Variants in LRRIQ1 observed in about 807,000 individuals in gnomAD.
The protein encoded by LRRIQ1 is leucine-rich repeat- and IQ domain-containing protein 1.
LRRIQ1 carries 210 observed loss-of-function variants against 211.9 expected under a neutral mutation model. The observed-to-expected ratio is 0.99, with a 90% CI of 0.89 to 1.11. The LOEUF is 1.11. Among genes scored for constraint, LRRIQ1 ranks in the 50% most tolerant of loss-of-function variants. LRRIQ1 has a pLI of 0.00. For synonymous variants in LRRIQ1, 699 were observed against 650.1 expected, an observed-to-expected ratio of 1.08 and a Z score of -1.14; for missense variants, 2,136 against 1,939.5, an observed-to-expected ratio of 1.10 and a Z score of -1.90.
intron 3 of LRRIQ1, among the ~76,000 whole-genome samples, chr12:85,042,824 A>T (rs1201205057): frequency 6.6e-6 from 1 of 152,056 alleles, no homozygotes; most frequent in Non-Finnish European, 1.5e-5. Context: ...CAACCTATTA[A>T]GGAGCAAAAA....
chr12:85,057,213 C>T (rs768762526), intron 8 of LRRIQ1, 29 bp downstream of exon 8: 5 of 1,315,788 alleles, frequency 3.8e-6, no homozygotes, highest in Non-Finnish European at 4.1e-6. Flanking sequence ...TAATTTTTCA[C>T]ATTTAATTAC....
chr12:85,121,620 G>T (rs1887991008), intron 15 of LRRIQ1, 77 bp from the exon 16 acceptor site: 14 of 1,004,070 alleles, frequency 1.4e-5, no homozygotes, highest in Non-Finnish European at 1.9e-5. Flanking sequence ...TTATTTAAAT[G>T]ATTAGTATAT....
chr12:85,132,949 G>C (rs1309028083), intron 18 of LRRIQ1, among the ~76,000 whole-genome samples: 1 of 151,364 alleles, frequency 6.6e-6, no homozygotes, highest in Non-Finnish European at 1.5e-5. Context: ...GCTCCATAAT[G>C]GGTAAGTTAA....
chr12:85,225,205 A>G (rs1184377921), intron 24 of LRRIQ1, among the ~76,000 whole-genome samples: 1 of 152,154 alleles, frequency 6.6e-6, no homozygotes, highest in African/African-American at 2.4e-5. Context: ...TGAGTAATCT[A>G]TAAATGATTT....
intron 15 of LRRIQ1, among the ~76,000 whole-genome samples, chr12:85,117,965 T>C (rs1887698980): frequency 6.6e-6 from 1 of 152,196 alleles, no homozygotes; most frequent in Non-Finnish European, 1.5e-5. Flanking sequence ...AGGTGGGTTA[T>C]GGACAGCTGA....
intron 13 of LRRIQ1, among the ~76,000 whole-genome samples, chr12:85,101,328 A>G (rs368923036): frequency 6.6e-6 from 1 of 151,786 alleles, no homozygotes; most frequent in Non-Finnish European, 1.5e-5. Context: ...TTTCAGTAAG[A>G]CATGTGACTG....
At chr12:85,118,977 G>A (rs1887782975) in intron 15 of LRRIQ1, among the ~76,000 whole-genome samples, 1 of 152,038 alleles carries the variant, frequency 6.6e-6, no homozygotes, top group African/African-American at 2.4e-5. Flanking sequence ...TTCTGCACCA[G>A]AGAGGTATAT....
intron 24 of LRRIQ1, among the ~76,000 whole-genome samples, chr12:85,217,778 C>A (rs1372741800): frequency 2.4e-5 from 3 of 123,066 alleles, no homozygotes; most frequent in Non-Finnish European, 4.6e-5. Flanking sequence ...GTGTGTCTCT[C>A]TCTATATATA....
chr12:85,171,831 C>T (rs551178038), intron 24 of LRRIQ1, among the ~76,000 whole-genome samples: 1 of 152,126 alleles, frequency 6.6e-6, no homozygotes, highest in Non-Finnish European at 1.5e-5. Context: ...GGAGAGAAGC[C>T]TCTGAAGAAA....
downstream of LRRIQ1, among the ~76,000 whole-genome samples, chr12:85,265,808 A>G (rs899167602): frequency 2.6e-5 from 4 of 152,078 alleles, no homozygotes; most frequent in African/African-American, 9.7e-5. Context: ...AAAAAATTCA[A>G]ATTTTATATA....
chr12:85,095,414 A>T lies in LRRIQ1; in HGVS notation c.2888-2941A>T, dbSNP rs1159202851. Reference sequence around the variant, plus strand: ...TAATTCTGCTTATGTGGTGAATTACATTTATTGATTTGCATGTATTAAAAC... The same window carrying T: ...TAATTCTGCTTATGTGGTGAATTACTTTTATTGATTTGCATGTATTAAAAC... On this transcript the variant is annotated intron_variant, in intron 11 of 26. Transcript: ENST00000393217. Among the ~76,000 whole-genome samples, 4 of 152,268 alleles carry T rather than the reference A, an allele frequency of 2.6e-5. No individual in the cohort carries two copies. In the East Asian group the frequency reaches 7.7e-4, roughly 29 times the overall value.
At chr12:85,140,251 T>C (rs961650193) in intron 19 of LRRIQ1, among the ~76,000 whole-genome samples, 1 of 151,334 alleles carries the variant, frequency 6.6e-6, no homozygotes, top group African/African-American at 2.4e-5. Flanking sequence ...TCATAATGAC[T>C]TGTATTAATA....
chr12:85,204,904 G>T (rs866048891), intron 24 of LRRIQ1, among the ~76,000 whole-genome samples: 113 of 152,086 alleles, frequency 7.4e-4, no homozygotes, highest in African/African-American at 2.6e-3. Flanking sequence ...GAAATTTGAG[G>T]ACTTGATATT....
intron 26 of LRRIQ1, among the ~76,000 whole-genome samples, chr12:85,235,747 A>T (rs1443274423): frequency 6.6e-6 from 1 of 152,176 alleles, no homozygotes; most frequent in African/African-American, 2.4e-5. Context: ...TTAGTCTAGA[A>T]AATGTGTCAG....
chr12:85,169,637 T>C (rs1003231138), intron 24 of LRRIQ1, among the ~76,000 whole-genome samples: 12 of 152,322 alleles, frequency 7.9e-5, no homozygotes, highest in African/African-American at 2.9e-4. Flanking sequence ...TATTGTTTAG[T>C]TTCACATTTA....
At chr12:85,230,028 T>C (rs749412230) in intron 25 of LRRIQ1, among the ~76,000 whole-genome samples, 18 of 152,222 alleles carry the variant, frequency 1.2e-4, no homozygotes, top group Non-Finnish European at 2.4e-4. Flanking sequence ...TTCAACCCTG[T>C]GGCTGTCACT....
Position 85,220,864 on chromosome 12 carries a change from G to A in LRRIQ1, c.4823-8653G>A, listed in dbSNP as rs1016218730. Among the ~76,000 whole-genome samples, 4 of 144,902 alleles carry A rather than the reference G, an allele frequency of 2.8e-5. No individual in the cohort carries two copies. The Admixed American group carries it at 3.0e-4, about 11-fold the overall frequency. Reference sequence around the variant, plus strand: ...GCTCTGTCGCCCAGGTTGGACGGCAGTGGCGTGATCCTGGCTCATTGCAAA... The same window carrying A: ...GCTCTGTCGCCCAGGTTGGACGGCAATGGCGTGATCCTGGCTCATTGCAAA... On this transcript the variant is annotated intron_variant, in intron 24 of 26. Transcript: ENST00000393217.
chr12:85,121,114 C>T (rs980986019), intron 15 of LRRIQ1, among the ~76,000 whole-genome samples: 12 of 151,880 alleles, frequency 7.9e-5, no homozygotes, highest in Non-Finnish European at 1.8e-4. Context: ...ATTACAGGTG[C>T]GCACCACCAA....
chr12:85,255,172 CTACTA>C (rs1171961411), intron 1 of LRRIQ1, among the ~76,000 whole-genome samples: 2 of 151,672 alleles, frequency 1.3e-5, no homozygotes, highest in African/African-American at 4.8e-5. Context: ...ACATAATACT[CTACTA>C]TAACTCCAGT....
Sources: gnomAD v4.1 joint callset for allele counts (sites outside exome capture counted in the v4.1 genomes callset) on GRCh38, gnomAD v4.1.1 for gene constraint, MANE v1.5 for transcripts, NCBI Gene and HGNC (gene_info 2026-07-23, HGNC 2026-07-21) for gene names.